Variants in TBC1D5 observed in about 807,000 individuals in gnomAD.
TBC1D5 encodes the protein TBC1 domain family member 5.
Under a neutral mutation model 100.3 loss-of-function variants are expected in TBC1D5, and 75 were observed. The ratio of observed to expected loss-of-function variants is 0.75; its 90% CI spans 0.62 to 0.91. The LOEUF (loss-of-function observed/expected upper bound fraction) is 0.91, where lower values mean the gene tolerates loss of function less well. Ranked by LOEUF, TBC1D5 falls within the 40% of genes least tolerant of loss-of-function variation. The pLI, the probability that TBC1D5 is intolerant of heterozygous loss-of-function variation, is 0.00. For missense variants in TBC1D5, 910 were observed against 942.4 expected (o/e 0.97, Z 0.45); for synonymous variants, 323 against 325.6 (o/e 0.99, Z 0.09).
chr3:17,455,362 GTGTA>G (rs2095049545), intron 3 of TBC1D5, among the ~76,000 whole-genome samples: 2 of 142,314 alleles, frequency 1.4e-5, no homozygotes, highest in Admixed American at 7.0e-5. Flanking sequence ...ATGTATATGT[GTGTA>G]TATATATGTA....
chr3:17,308,684 T>C (rs2083658854), intron 13 of TBC1D5, among the ~76,000 whole-genome samples: 1 of 152,168 alleles, frequency 6.6e-6, no homozygotes, highest in Non-Finnish European at 1.5e-5. Context: ...GCATAGACAG[T>C]TATTTTAAAT....
At chr3:17,480,059 A>C (rs750035216) in intron 3 of TBC1D5, among the ~76,000 whole-genome samples, 1 of 152,072 alleles carries the variant, frequency 6.6e-6, no homozygotes, top group African/African-American at 2.4e-5. Context: ...CGCTCTCTGG[A>C]GTGAAGCAAA....
chr3:17,299,555 A>G (rs1219952708), intron 14 of TBC1D5, among the ~76,000 whole-genome samples: 1 of 152,102 alleles, frequency 6.6e-6, no homozygotes, highest in African/African-American at 2.4e-5. Flanking sequence ...AGGTTTATCA[A>G]GTGTAAAAAA....
chr3:17,348,049 C>A (rs578175045), intron 13 of TBC1D5, among the ~76,000 whole-genome samples: 1 of 152,200 alleles, frequency 6.6e-6, no homozygotes, highest in South Asian at 2.1e-4. Flanking sequence ...CCACCTCATA[C>A]TTACAATATC....
At chr3:17,608,037 C>G (rs973645203) in intron 2 of TBC1D5, among the ~76,000 whole-genome samples, 1 of 152,148 alleles carries the variant, frequency 6.6e-6, no homozygotes, top group Non-Finnish European at 1.5e-5. Context: ...ATTAGAAGCA[C>G]TGCCCTTTAA....
At chr3:17,446,337 A>G (rs1378324708) in intron 3 of TBC1D5, among the ~76,000 whole-genome samples, 1 of 152,236 alleles carries the variant, frequency 6.6e-6, no homozygotes, top group Admixed American at 6.5e-5. Context: ...GATCAAAAAA[A>G]GTAAAACAGA....
At chr3:17,519,268 A>T (rs1411582454) in intron 2 of TBC1D5, among the ~76,000 whole-genome samples, 1 of 152,184 alleles carries the variant, frequency 6.6e-6, no homozygotes, top group Non-Finnish European at 1.5e-5. Flanking sequence ...GCTTTTTCCT[A>T]ATGTCAATGG....
intron 16 of TBC1D5, among the ~76,000 whole-genome samples, chr3:17,256,641 G>A (rs1437854757): frequency 6.6e-6 from 1 of 152,122 alleles, no homozygotes; most frequent in African/African-American, 2.4e-5. Flanking sequence ...ACAAATATGT[G>A]TTGAGTGCCT....
At chr3:17,691,749 G>A (rs754634590) in intron 1 of TBC1D5, among the ~76,000 whole-genome samples, 19 of 151,910 alleles carry the variant, frequency 1.3e-4, no homozygotes, top group Non-Finnish European at 2.5e-4. Flanking sequence ...CCCGTGAGGC[G>A]GAGGTTGCAG....
intron 1 of TBC1D5, among the ~76,000 whole-genome samples, chr3:17,705,478 C>T (rs2073998221): frequency 6.7e-6 from 1 of 149,794 alleles, no homozygotes; most frequent in Admixed American, 6.6e-5. Context: ...GGAGGGGCTC[C>T]TCACTTCTCA....
intron 2 of TBC1D5, among the ~76,000 whole-genome samples, chr3:17,577,135 T>G (rs1372019472): frequency 6.6e-6 from 1 of 151,948 alleles, no homozygotes; most frequent in African/African-American, 2.4e-5. Flanking sequence ...GGAGGGGAAC[T>G]ACACCTACAG....
At chr3:17,362,217 T>C (rs1575526461) in intron 13 of TBC1D5, among the ~76,000 whole-genome samples, 2 of 152,312 alleles carry the variant, frequency 1.3e-5, no homozygotes, top group African/African-American at 2.4e-5. Flanking sequence ...TGACTTGGAT[T>C]GGGCAGAGTT....
intron 3 of TBC1D5, among the ~76,000 whole-genome samples, chr3:17,498,384 AAAGTT>A (rs1560025452): frequency 6.6e-6 from 1 of 152,194 alleles, no homozygotes; most frequent in East Asian, 1.9e-4. Context: ...CATAGAATGC[AAAGTT>A]AAGAACAAAA....
chr3:17,384,016 C>A lies in TBC1D5; in HGVS notation c.510-1G>T. On this transcript the variant is annotated splice_acceptor_variant, in intron 8 of 21. Transcript: ENST00000253692. LOFTEE classifies it high-confidence loss of function. ...CTGGAAAAACTGCATTTCAGGAAAC[C>A]TGGAAAAAGAAAATACAAGATTGAA... 1 of 1,594,016 alleles carries A rather than the reference C, an allele frequency of 6.3e-7. No individual in the cohort carries two copies. The highest frequency in any genetic ancestry group is 8.6e-7 in the Non-Finnish European group (1 of 1,166,526).
At chr3:17,307,893 G>T in intron 14 of TBC1D5, 99 bp downstream of exon 14, 1 of 1,477,664 alleles carries the variant, frequency 6.8e-7, no homozygotes. Flanking sequence ...TGAGGTACAT[G>T]CAAATCAAAT....
chr3:17,647,561 C>T (rs574375827), intron 1 of TBC1D5, among the ~76,000 whole-genome samples: 2 of 152,070 alleles, frequency 1.3e-5, no homozygotes, highest in South Asian at 4.2e-4. Context: ...GTTTTCCAGA[C>T]AAAGGGAAGA....
chr3:17,212,356 C>T (rs2073086588), intron 18 of TBC1D5, among the ~76,000 whole-genome samples: 1 of 152,126 alleles, frequency 6.6e-6, no homozygotes, highest in Admixed American at 6.5e-5. Flanking sequence ...TGCGGTAATG[C>T]CAGCCTACTG....
chr3:17,363,442 T>TA (rs2091877770), intron 13 of TBC1D5, among the ~76,000 whole-genome samples: 1 of 152,202 alleles, frequency 6.6e-6, no homozygotes, highest in Admixed American at 6.5e-5. Flanking sequence ...TTAATTTGTA[T>TA]ATTTCTTTCC....
At chr3:17,165,758 A>G (rs1173260632) in intron 21 of TBC1D5, among the ~76,000 whole-genome samples, 1 of 152,272 alleles carries the variant, frequency 6.6e-6, no homozygotes, top group Non-Finnish European at 1.5e-5. Flanking sequence ...TTGTAAGCTG[A>G]TTTTAAAAAT....
Sources: gnomAD v4.1 joint callset for allele counts (sites outside exome capture counted in the v4.1 genomes callset) on GRCh38, gnomAD v4.1.1 for gene constraint, MANE v1.5 for transcripts, NCBI Gene and HGNC (gene_info 2026-07-23, HGNC 2026-07-21) for gene names.